Variants in VPS13D observed in about 807,000 individuals in gnomAD.
VPS13D encodes intermembrane lipid transfer protein VPS13D.
VPS13D carries 187 observed loss-of-function variants against 461.9 expected under a neutral mutation model. That is an observed-to-expected ratio of 0.40 (90% CI 0.36 to 0.46). The LOEUF (loss-of-function observed/expected upper bound fraction) is 0.46. Among genes scored for constraint, VPS13D ranks in the 20% least tolerant of loss-of-function variants. The pLI is 0.60. For synonymous variants in VPS13D, 1,951 were observed against 1,986.3 expected (o/e 0.98, Z 0.47); for missense variants, 4,711 against 5,364.9 (o/e 0.88, Z 3.81).
At position 12,349,383 on chromosome 1, in the gene VPS13D, C is replaced by T. The variant is rs200786241; in HGVS notation, c.9431+9C>T. 246 of 1,613,252 alleles carry T rather than the reference C, an allele frequency of 1.5e-4. No individual in the cohort carries two copies. The highest frequency in any genetic ancestry group is 1.9e-4 in the Non-Finnish European group (230 of 1,179,782). ...AAAAGCCGATTTTTCAGGTATGTAGCACCACTGCAGTGACATGTCACTTTT... is the reference window on the plus strand; with the variant it reads ...AAAAGCCGATTTTTCAGGTATGTAGTACCACTGCAGTGACATGTCACTTTT... On this transcript the variant is annotated intron_variant, in intron 46 of 69. Coordinates refer to ENST00000620676, the MANE Select transcript of VPS13D (RefSeq NM_015378.4).
At position 12,356,391 on chromosome 1, in the gene VPS13D, C is replaced by G; in HGVS notation, c.9872-7C>G. 1 of 1,611,876 alleles carries G rather than the reference C, an allele frequency of 6.2e-7. No individual in the cohort carries two copies. The highest frequency in any genetic ancestry group is 8.5e-7 in the Non-Finnish European group (1 of 1,179,130). On this transcript the variant is annotated splice_region_variant and splice_polypyrimidine_tract_variant and intron_variant, in intron 48 of 69. Coordinates refer to ENST00000620676, the MANE Select transcript of VPS13D (RefSeq NM_015378.4). Reference sequence around the variant, plus strand: ...TATTGATGTAAACTTTTCTCTCCTTCCTAAAGGGTTGCCACTGATCTTCAG... The same window carrying G: ...TATTGATGTAAACTTTTCTCTCCTTGCTAAAGGGTTGCCACTGATCTTCAG...
intron 7 of VPS13D, among the ~76,000 whole-genome samples, chr1:12,254,924 A>G (rs1340971837): frequency 6.6e-6 from 1 of 151,190 alleles, no homozygotes; most frequent in Non-Finnish European, 1.5e-5. Flanking sequence ...TTTCACTTGG[A>G]TACTATTGTA....
chr1:12,355,000 T>G (rs936686066), intron 47 of VPS13D, among the ~76,000 whole-genome samples: 1 of 152,224 alleles, frequency 6.6e-6, no homozygotes, highest in African/African-American at 2.4e-5. Flanking sequence ...CAGGGATGCC[T>G]CGTGGTCAGA....
At chr1:12,236,899 G>A (rs965389637) in intron 2 of VPS13D, among the ~76,000 whole-genome samples, 8 of 151,960 alleles carry the variant, frequency 5.3e-5, no homozygotes, top group African/African-American at 1.7e-4. Flanking sequence ...TAACTATCTC[G>A]TAAGGTTCTG....
rs529046565 is a variant in VPS13D at position 12,487,377 on chromosome 1, G to A, written c.12663-10123G>A. Among the ~76,000 whole-genome samples, 8 of 152,210 alleles carry A rather than the reference G, an allele frequency of 5.3e-5. No individual in the cohort carries two copies. The East Asian group carries it at 7.7e-4, about 15-fold the overall frequency. ...GTAATCCCCAGCACTTTGGGAGGCC[G>A]AGGTGGGCGGATCACAAGGTCAGGA... On this transcript the variant is annotated intron_variant, in intron 67 of 69. Coordinates refer to ENST00000620676, the MANE Select transcript of VPS13D (RefSeq NM_015378.4).
At chr1:12,310,825 C>CTCCTTCCT (rs1329058114) in intron 27 of VPS13D, among the ~76,000 whole-genome samples, 1 of 113,846 alleles carries the variant, frequency 8.8e-6, no homozygotes, top group South Asian at 3.5e-4. Flanking sequence ...CCCTCCTTCC[C>CTCCTTCCT]TCCTTCCTTC....
chr1:12,240,419 A>G (rs1388808164), intron 2 of VPS13D, among the ~76,000 whole-genome samples: 2 of 151,704 alleles, frequency 1.3e-5, no homozygotes, highest in Admixed American at 1.3e-4. Context: ...ATATGGTGAA[A>G]CCCTGTCTCT....
intron 14 of VPS13D, 73 bp from the exon 15 acceptor site, chr1:12,267,772 T>A (rs1641316277): frequency 3.0e-6 from 4 of 1,329,432 alleles, no homozygotes; most frequent in Non-Finnish European, 4.3e-6. Context: ...TGCTGAAGGG[T>A]AAGATGGGTT....
At chr1:12,255,814 C>T (rs867423503) in intron 7 of VPS13D, among the ~76,000 whole-genome samples, 11 of 148,452 alleles carry the variant, frequency 7.4e-5, no homozygotes, top group Non-Finnish European at 1.6e-4. Context: ...TTGCTTAAAC[C>T]GGGGAGTCGG....
At chr1:12,308,695 G>A (rs1394935698) in intron 27 of VPS13D, 54 bp downstream of exon 27, 9 of 1,572,220 alleles carry the variant, frequency 5.7e-6, no homozygotes, top group African/African-American at 1.4e-5. Context: ...CACCAGGCAG[G>A]GTGGAGTGCA....
intron 32 of VPS13D, 131 bp downstream of exon 32, chr1:12,319,761 T>C (rs767168804): frequency 2.4e-5 from 32 of 1,342,850 alleles, no homozygotes; most frequent in Non-Finnish European, 2.5e-5. Context: ...TGCCCTCTTT[T>C]CCTCTTTGTT....
At chr1:12,286,341 G>C (rs144331397) in intron 21 of VPS13D, among the ~76,000 whole-genome samples, 3,393 of 152,316 alleles carry the variant, frequency 0.022, 156 homozygotes, top group Admixed American at 0.12. Context: ...GCCTCCCAAA[G>C]TGCTGGGATT....
chr1:12,408,762 T>G (rs368669881), intron 63 of VPS13D, among the ~76,000 whole-genome samples: 3 of 152,346 alleles, frequency 2.0e-5, no homozygotes, highest in African/African-American at 2.4e-5. Context: ...GACCTTTCTC[T>G]CTAGCCTTAT....
chr1:12,475,010 G>A (rs939586509), intron 67 of VPS13D, among the ~76,000 whole-genome samples: 1 of 152,092 alleles, frequency 6.6e-6, no homozygotes, highest in Non-Finnish European at 1.5e-5. Flanking sequence ...CCCAAAGGCA[G>A]TGGTGGAGCT....
chr1:12,301,089 G>A (rs1385667775), intron 25 of VPS13D, among the ~76,000 whole-genome samples: 19 of 152,168 alleles, frequency 1.2e-4, no homozygotes, highest in Admixed American at 1.2e-3. Flanking sequence ...ATACATAGCT[G>A]CCATTTGCTG....
At chr1:12,394,963 C>T (rs1644475834) in intron 60 of VPS13D, among the ~76,000 whole-genome samples, 2 of 152,184 alleles carry the variant, frequency 1.3e-5, no homozygotes, top group Admixed American at 6.5e-5. Context: ...CGTATCTGTT[C>T]TCCAGATTTC....
chr1:12,341,457 AT>A (rs1323531114), intron 40 of VPS13D, among the ~76,000 whole-genome samples: 1 of 152,200 alleles, frequency 6.6e-6, no homozygotes, highest in African/African-American at 2.4e-5. Flanking sequence ...CACTTAGAAT[AT>A]AGTTCTTGGC....
At chr1:12,309,212 C>CTTTTTTTTTT (rs201262655) in intron 27 of VPS13D, among the ~76,000 whole-genome samples, 1 of 131,052 alleles carries the variant, frequency 7.6e-6, no homozygotes, top group Non-Finnish European at 1.7e-5. Context: ...TCTTTTTTTT[C>CTTTTTTTTTT]TTTTTTTTTT....
chr1:12,432,578 C>T lies in VPS13D; in HGVS notation c.12333+15751C>T, dbSNP rs1645006130. The stretch of plus-strand genomic sequence containing the variant: ...GTCTTCGTTATGAGAACACTTTGAT[C>T]TGAACCCCTTTCCTTTTCTGAATCC... On this transcript the variant is annotated intron_variant, in intron 65 of 69. Transcript: ENST00000620676. 5.9e-5 allele frequency among the ~76,000 whole-genome samples: 9 copies of T among 151,360 alleles called. No individual in the cohort carries two copies. The South Asian group carries it at 1.9e-3, about 32-fold the overall frequency.
Sources: allele counts gnomAD v4.1 joint callset (sites outside exome capture counted in the v4.1 genomes callset), GRCh38; gene constraint gnomAD v4.1.1; transcripts MANE v1.5; gene names NCBI Gene and HGNC (gene_info 2026-07-23, HGNC 2026-07-21).